Variants in RASA2 observed in about 807,000 individuals in gnomAD.
RASA2 encodes the protein ras GTPase-activating protein 2.
RASA2 carries 155 observed loss-of-function variants against 118.2 expected under a neutral mutation model. The ratio of observed to expected loss-of-function variants is 1.31; its 90% CI spans 1.15 to 1.50. The LOEUF is 1.50. Among genes scored for constraint, RASA2 ranks in the 40% most tolerant of loss-of-function variants. The pLI, the probability that RASA2 is intolerant of heterozygous loss-of-function variation, is 0.00. For synonymous variants in RASA2, 353 were observed against 349.1 expected (o/e 1.01, Z -0.12); for missense variants, 1,016 against 1,009.6 (o/e 1.01, Z -0.09).
intron 1 of RASA2, among the ~76,000 whole-genome samples, chr3:141,501,099 A>C (rs1425577445): frequency 6.6e-6 from 1 of 152,216 alleles, no homozygotes; most frequent in African/African-American, 2.4e-5. Flanking sequence ...GTTAGCTCTC[A>C]GTTTCTAGAT....
intron 16 of RASA2, 21 bp from the exon 17 acceptor site, chr3:141,581,079 C>T (rs757788975): frequency 1.3e-6 from 2 of 1,504,204 alleles, no homozygotes; most frequent in Non-Finnish European, 1.8e-6. Flanking sequence ...ACATATAAAC[C>T]CTGTGTTTGT....
chr3:141,509,694 A>G (rs1330163237), intron 1 of RASA2, among the ~76,000 whole-genome samples: 1 of 152,242 alleles, frequency 6.6e-6, no homozygotes. Context: ...TAGAATTGCT[A>G]GACAGTGTCC....
At chr3:141,571,703 G>A (rs2082923059) in intron 11 of RASA2, 149 bp downstream of exon 11, 2 of 721,668 alleles carry the variant, frequency 2.8e-6, no homozygotes, top group Non-Finnish European at 4.3e-6. Context: ...ATAACAAAAG[G>A]CAGTTAAGCT....
intron 5 of RASA2, among the ~76,000 whole-genome samples, chr3:141,543,401 A>G (rs2082433947): frequency 6.6e-6 from 1 of 152,186 alleles, no homozygotes. Flanking sequence ...ACATCAAACA[A>G]TGTTATAATT....
At chr3:141,507,363 T>G (rs1004015921) in intron 1 of RASA2, among the ~76,000 whole-genome samples, 1 of 152,200 alleles carries the variant, frequency 6.6e-6, no homozygotes, top group African/African-American at 2.4e-5. Flanking sequence ...ATAAAAAAAT[T>G]TTAAGTGGCT....
chr3:141,524,791 G>A lies in RASA2; in HGVS notation c.356-4917G>A, dbSNP rs138987357. ...ATTTTAGTAGAGATGGGGTTTCACC[G>A]TGTTGCCCAGGCTAGTCTCAAACTC... On this transcript the variant is annotated intron_variant, in intron 3 of 23. Coordinates refer to ENST00000286364, the MANE Select transcript of RASA2 (RefSeq NM_006506.5). Among the ~76,000 whole-genome samples the A allele has an allele frequency of 2.4e-4, 37 of 151,936 alleles. 1 individual carries two copies. In the East Asian group the frequency reaches 7.0e-3, roughly 29 times the overall value.
chr3:141,495,052 G>A (rs928135613), intron 1 of RASA2, among the ~76,000 whole-genome samples: 3 of 152,190 alleles, frequency 2.0e-5, no homozygotes, highest in Admixed American at 6.5e-5. Context: ...AAAGTTAAAA[G>A]ACAATAGATT....
chr3:141,582,826 C>T (rs1041780469), intron 17 of RASA2, among the ~76,000 whole-genome samples: 6 of 152,234 alleles, frequency 3.9e-5, no homozygotes, highest in African/African-American at 7.2e-5. Context: ...GTGACATTTA[C>T]TATTGATGCA....
At chr3:141,558,616 A>AG (rs1313790579) in intron 7 of RASA2, among the ~76,000 whole-genome samples, 1 of 152,118 alleles carries the variant, frequency 6.6e-6, no homozygotes, top group East Asian at 1.9e-4. Context: ...GAAAGGAAAG[A>AG]GATAGGAAGA....
intron 3 of RASA2, among the ~76,000 whole-genome samples, chr3:141,521,405 A>G (rs1374869406): frequency 2.0e-5 from 3 of 152,200 alleles, no homozygotes; most frequent in Middle Eastern, 3.2e-3. Context: ...GATAGAGGCT[A>G]TTGGTAGTTA....
intron 9 of RASA2, among the ~76,000 whole-genome samples, chr3:141,565,746 G>T (rs1025690521): frequency 6.6e-6 from 1 of 152,208 alleles, no homozygotes; most frequent in African/African-American, 2.4e-5. Flanking sequence ...GGGTATGTCT[G>T]TATTAGCAGC....
chr3:141,592,005 A>T (rs2083291986), intron 19 of RASA2, among the ~76,000 whole-genome samples: 1 of 152,158 alleles, frequency 6.6e-6, no homozygotes, highest in Non-Finnish European at 1.5e-5. Flanking sequence ...TGGAGAGAAA[A>T]ATAGTAAACA....
At position 141,613,867 on chromosome 3, in the gene RASA2, A is replaced by T. The variant is rs1343875873; in HGVS notation, c.*1554A>T. The stretch of plus-strand genomic sequence containing the variant: ...TTGTAAAAATCAATGAATTATGTTT[A>T]AGTCTGCATTATGGTAGGTTATTAC... On this transcript the variant is annotated 3_prime_UTR_variant, in exon 24 of 24. Transcript: ENST00000286364. The T allele has an allele frequency of 6.6e-6, 1 of 152,216 alleles. No homozygotes were observed. The highest frequency in any genetic ancestry group is 1.5e-5 in the Non-Finnish European group (1 of 68,034). The allele number at this position is 152,216 out of a possible 1,614,324, so 9.4% of individuals were successfully genotyped here. A position where few individuals can be genotyped will look rare whatever the true frequency, so the allele number is the denominator to read the frequency against.
chr3:141,581,683 G>A (rs1161818685), intron 17 of RASA2, among the ~76,000 whole-genome samples: 1 of 151,974 alleles, frequency 6.6e-6, no homozygotes, highest in Non-Finnish European at 1.5e-5. Flanking sequence ...ATGTAGAGTG[G>A]GCACTTAATT....
chr3:141,543,341 A>G (rs1363716905), intron 5 of RASA2, among the ~76,000 whole-genome samples: 4 of 152,046 alleles, frequency 2.6e-5, no homozygotes, highest in Non-Finnish European at 5.9e-5. Context: ...ACCCTCCCCC[A>G]TTTGTAATAT....
intron 23 of RASA2, among the ~76,000 whole-genome samples, chr3:141,610,351 ATATT>A (rs1004390106): frequency 4.0e-5 from 5 of 125,780 alleles, no homozygotes; most frequent in Non-Finnish European, 6.5e-5. Context: ...ATATATATTT[ATATT>A]TATATATTAT....
At chr3:141,517,397 A>G (rs1338986250) in intron 3 of RASA2, among the ~76,000 whole-genome samples, 2 of 152,106 alleles carry the variant, frequency 1.3e-5, no homozygotes, top group East Asian at 3.9e-4. Context: ...GCCTCAGGAA[A>G]CCTACATGAG....
Position 141,553,898 on chromosome 3 carries a change from G to A in RASA2, c.569G>A (p.Ser190Asn). ...CHGLPLINGQ[S>N]CDPYATVSLV... The stretch of plus-strand genomic sequence containing the variant: ...GGGTTGCCTCTCATAAATGGCCAAA[G>A]CTGTGACCCTTATGCAACAGTTTCT... The change falls in exon 6 of 24, where the codon AGC (serine) becomes AAC (asparagine). Residue 190 changes from serine (S) to asparagine (N), a missense_variant. Coordinates refer to ENST00000286364, the MANE Select transcript of RASA2 (RefSeq NM_006506.5). The A allele has an allele frequency of 6.2e-7, 1 of 1,612,554 alleles. No individual in the cohort carries two copies. Among genetic ancestry groups the A allele is most frequent in the South Asian group, 1.1e-5 (1 of 90,898 alleles).
chr3:141,488,524 T>G (rs965270057), intron 1 of RASA2, among the ~76,000 whole-genome samples: 7 of 152,302 alleles, frequency 4.6e-5, no homozygotes, highest in African/African-American at 1.7e-4. Flanking sequence ...GCAGACATGT[T>G]AACTTTTCTT....
Sources: gnomAD v4.1 joint callset for allele counts (sites outside exome capture counted in the v4.1 genomes callset) on GRCh38, gnomAD v4.1.1 for gene constraint, MANE v1.5 for transcripts, NCBI Gene and HGNC (gene_info 2026-07-23, HGNC 2026-07-21) for gene names.